PDE8A: variants seen among roughly 807,000 people sequenced by gnomAD.
PDE8A encodes the protein high affinity cAMP-specific and IBMX-insensitive 3',5'-cyclic phosphodiesterase 8A.
In PDE8A, 59 loss-of-function variants were observed where a neutral mutation model predicts 105.0. That is an observed-to-expected ratio of 0.56 (90% CI 0.46 to 0.70). The LOEUF (loss-of-function observed/expected upper bound fraction) is 0.70. PDE8A is among the 30% of genes least tolerant of loss of function. The pLI, the probability that PDE8A is intolerant of heterozygous loss-of-function variation, is 0.00. For missense variants in PDE8A, 1,014 were observed against 1,045.9 expected (o/e 0.97, Z 0.42); for synonymous variants, 355 against 371.9 (o/e 0.95, Z 0.52).
chr15:85,076,851 C>T lies in PDE8A; in HGVS notation c.546+64C>T. 9.7e-6 allele frequency: 10 copies of T among 1,028,754 alleles called. No homozygotes were observed. In the South Asian group the frequency reaches 1.3e-4, roughly 13 times the overall value. 63.7% of individuals were successfully genotyped at this position (1,028,754 alleles called of 1,614,324 possible). ...TTTGAGAAATTATTTTATCTCAGTT[C>T]AGTACCCAGCAAAAGCTTTGTATTA... On this transcript the variant is annotated intron_variant, in intron 5 of 21. Transcript: ENST00000394553.
At chr15:85,123,732 A>G (rs8032913) in intron 19 of PDE8A, among the ~76,000 whole-genome samples, 47 of 152,324 alleles carry the variant, frequency 3.1e-4, no homozygotes, top group Middle Eastern at 6.8e-3. Context: ...GTATTCTTCA[A>G]TCCAATCAAG....
At chr15:85,045,982 A>G (rs1476564343) in intron 1 of PDE8A, among the ~76,000 whole-genome samples, 3 of 151,938 alleles carry the variant, frequency 2.0e-5, no homozygotes, top group East Asian at 1.9e-4. Flanking sequence ...TAATAAAAGG[A>G]TGAAGGAAAA....
At chr15:85,088,182 G>A (rs957641610) in intron 6 of PDE8A, among the ~76,000 whole-genome samples, 5 of 152,146 alleles carry the variant, frequency 3.3e-5, no homozygotes, top group African/African-American at 1.2e-4. Context: ...ACCATGCCTT[G>A]CTAATCTTTT....
chr15:85,113,516 A>G, intron 13 of PDE8A, 69 bp downstream of exon 13: 1 of 1,357,048 alleles, frequency 7.4e-7, no homozygotes, highest in South Asian at 1.2e-5. Flanking sequence ...ATCATTTCCA[A>G]TGAGAAGAAA....
At chr15:85,076,013 C>A in intron 4 of PDE8A, 95 bp downstream of exon 4, 1 of 699,510 alleles carries the variant, frequency 1.4e-6, no homozygotes, top group South Asian at 1.9e-5. Flanking sequence ...CTGTGTCAGG[C>A]ATGCCCCTTT....
chr15:85,135,611 G>A (rs945031499), intron 20 of PDE8A, among the ~76,000 whole-genome samples: 5 of 152,100 alleles, frequency 3.3e-5, no homozygotes, highest in African/African-American at 4.8e-5. Flanking sequence ...ATCTTGCAGC[G>A]ATTCCGGTTG....
chr15:85,111,810 T>C (rs75379479), intron 12 of PDE8A, among the ~76,000 whole-genome samples: 1 of 152,220 alleles, frequency 6.6e-6, no homozygotes, highest in Non-Finnish European at 1.5e-5. Flanking sequence ...TTTCAAATCA[T>C]GAACATGCTA....
At chr15:85,033,417 A>T (rs775204524) in intron 1 of PDE8A, among the ~76,000 whole-genome samples, 2 of 152,154 alleles carry the variant, frequency 1.3e-5, no homozygotes, top group Non-Finnish European at 2.9e-5. Flanking sequence ...ACAGCTCCAC[A>T]GCTGCCTTTT....
chr15:85,011,207 A>G (rs1403294354), intron 1 of PDE8A, among the ~76,000 whole-genome samples: 1 of 152,238 alleles, frequency 6.6e-6, no homozygotes, highest in Non-Finnish European at 1.5e-5. Flanking sequence ...CTAACCTGAC[A>G]GAATTAAGCC....
At chr15:85,083,680 T>C (rs931640966) in intron 6 of PDE8A, 36 bp downstream of exon 6, 1 of 1,329,852 alleles carries the variant, frequency 7.5e-7, no homozygotes, top group Non-Finnish European at 1.1e-6. Context: ...CTCCAGGCCA[T>C]ACAGGGCAGC....
chr15:84,986,655 C>T (rs2079806852), intron 1 of PDE8A, among the ~76,000 whole-genome samples: 4 of 151,630 alleles, frequency 2.6e-5, no homozygotes, highest in Admixed American at 2.6e-4. Flanking sequence ...CTTTGTTACC[C>T]AGGCTGGAGT....
intron 3 of PDE8A, among the ~76,000 whole-genome samples, chr15:85,072,564 A>G (rs1328228044): frequency 1.3e-5 from 2 of 152,174 alleles, no homozygotes; most frequent in Non-Finnish European, 2.9e-5. Flanking sequence ...GCTATCTGGA[A>G]TGTGGACATT....
At chr15:84,992,155 C>G (rs866597330) in intron 1 of PDE8A, among the ~76,000 whole-genome samples, 5 of 152,152 alleles carry the variant, frequency 3.3e-5, no homozygotes, top group Non-Finnish European at 5.9e-5. Flanking sequence ...AGGCCCTGCT[C>G]TCAGGGAACA....
At position 85,097,638 on chromosome 15, in the gene PDE8A, G is replaced by C. The variant is rs139619345; in HGVS notation, c.853-310G>C. On this transcript the variant is annotated intron_variant, in intron 8 of 21. Coordinates refer to ENST00000394553, the MANE Select transcript of PDE8A (RefSeq NM_002605.3). The stretch of plus-strand genomic sequence containing the variant: ...CCCTCTTCCACTTCAGCAGGTGGGA[G>C]TTATGAGAGGAGGAAGTAAGGGGGA... Among the ~76,000 whole-genome samples the C allele has an allele frequency of 3.3e-5, 5 of 152,326 alleles. No individual in the cohort carries two copies. The East Asian group carries it at 7.7e-4, about 23-fold the overall frequency.
At chr15:85,059,827 G>A (rs146395192) in intron 1 of PDE8A, among the ~76,000 whole-genome samples, 198 of 152,276 alleles carry the variant, frequency 1.3e-3, no homozygotes, top group African/African-American at 4.5e-3. Context: ...GCACAACAAA[G>A]CAAGGCTGTG....
chr15:85,118,562 C>T (rs1446171739), intron 17 of PDE8A, among the ~76,000 whole-genome samples: 4 of 152,210 alleles, frequency 2.6e-5, no homozygotes, highest in Admixed American at 6.5e-5. Context: ...TATTGTCATT[C>T]CCAGGAGCAG....
At position 84,995,147 on chromosome 15, in the gene PDE8A, C is replaced by T. The variant is rs184992968; in HGVS notation, c.186+12799C>T. Among the ~76,000 whole-genome samples the T allele has an allele frequency of 5.5e-4, 83 of 152,216 alleles. 2 individuals are homozygous for T. Among genetic ancestry groups the T allele is most frequent in the African/African-American group, 1.9e-3 (77 of 41,528 alleles). On this transcript the variant is annotated intron_variant, in intron 1 of 21. Coordinates refer to ENST00000394553, the MANE Select transcript of PDE8A (RefSeq NM_002605.3). ...TTTGACAAACGCATACATATATCTGCGTAATCCAAACCTCTATGAAGTTAT... is the reference window on the plus strand; with the variant it reads ...TTTGACAAACGCATACATATATCTGTGTAATCCAAACCTCTATGAAGTTAT...
intron 1 of PDE8A, among the ~76,000 whole-genome samples, chr15:85,060,757 T>C (rs1009932811): frequency 5.9e-5 from 9 of 152,168 alleles, no homozygotes; most frequent in Admixed American, 5.9e-4. Flanking sequence ...TTTAGACCAA[T>C]GATTTTTTTT....
At chr15:84,993,791 G>A (rs1425290363) in intron 1 of PDE8A, among the ~76,000 whole-genome samples, 1 of 152,108 alleles carries the variant, frequency 6.6e-6, no homozygotes, top group Non-Finnish European at 1.5e-5. Flanking sequence ...CTTAGACTGA[G>A]GTGGGAGGAT....
Sources: gnomAD v4.1 joint callset for allele counts (sites outside exome capture counted in the v4.1 genomes callset) on GRCh38, gnomAD v4.1.1 for gene constraint, MANE v1.5 for transcripts, NCBI Gene and HGNC (gene_info 2026-07-23, HGNC 2026-07-21) for gene names.